Variants in GPR137C observed in about 807,000 individuals in gnomAD.
GPR137C encodes the protein integral membrane protein GPR137C.
Under a neutral mutation model 43.4 loss-of-function variants are expected in GPR137C, and 27 were observed. The observed-to-expected ratio is 0.62, with a 90% CI of 0.46 to 0.86. The LOEUF (loss-of-function observed/expected upper bound fraction) is 0.86. Among genes scored for constraint, GPR137C ranks in the 40% least tolerant of loss-of-function variants. The pLI is 0.00. For synonymous variants in GPR137C, 285 were observed against 226.9 expected (o/e 1.26, Z -2.30); for missense variants, 522 against 534.6 (o/e 0.98, Z 0.23).
At chr14:52,634,032 A>C (rs1422728251) in intron 6 of GPR137C, 86 bp downstream of exon 6, 2 of 821,406 alleles carry the variant, frequency 2.4e-6, no homozygotes, top group Admixed American at 2.1e-5. Flanking sequence ...AATATGAAAA[A>C]AGGTGATTTA....
chr14:52,563,556 A>T (rs2038318956), intron 1 of GPR137C, among the ~76,000 whole-genome samples: 1 of 152,106 alleles, frequency 6.6e-6, no homozygotes, highest in Admixed American at 6.5e-5. Context: ...AGGTGGCAGC[A>T]TCACTTGAGC....
chr14:52,576,005 G>T (rs917110635), intron 1 of GPR137C, among the ~76,000 whole-genome samples: 3 of 152,082 alleles, frequency 2.0e-5, no homozygotes, highest in African/African-American at 2.4e-5. Context: ...GGTCATATAG[G>T]CATGGAGCAT....
intron 1 of GPR137C, among the ~76,000 whole-genome samples, chr14:52,592,794 T>C (rs1421220355): frequency 6.6e-6 from 1 of 152,194 alleles, no homozygotes. Context: ...CAATTTGACT[T>C]CCTCTTTTCC....
intron 1 of GPR137C, among the ~76,000 whole-genome samples, chr14:52,561,139 G>C (rs2038277054): frequency 6.6e-6 from 1 of 152,182 alleles, no homozygotes; most frequent in South Asian, 2.1e-4. Flanking sequence ...CACTCACGTT[G>C]AACTACCACT....
intron 4 of GPR137C, 63 bp from the exon 5 acceptor site, chr14:52,633,467 T>G (rs2039316161): frequency 1.4e-6 from 2 of 1,427,736 alleles, no homozygotes; most frequent in Non-Finnish European, 9.8e-7. Context: ...ACAAGTTAAC[T>G]GTGGAGGTGA....
intron 3 of GPR137C, among the ~76,000 whole-genome samples, chr14:52,608,412 C>A (rs1436176915): frequency 6.6e-6 from 1 of 152,194 alleles, no homozygotes; most frequent in Non-Finnish European, 1.5e-5. Context: ...CTCTTCCCCA[C>A]ATTTTGAACG....
intron 1 of GPR137C, chr14:52,596,873 T>C (rs1240653836): frequency 1.8e-5 from 8 of 453,200 alleles, no homozygotes; most frequent in Admixed American, 2.4e-5. Context: ...GGTACCTCAA[T>C]TGGAAATGCA....
At chr14:52,554,925 C>G (rs937075194) in intron 1 of GPR137C, among the ~76,000 whole-genome samples, 2 of 152,042 alleles carry the variant, frequency 1.3e-5, no homozygotes, top group East Asian at 3.8e-4. Context: ...AATACAATGA[C>G]AAAAACGCAA....
intron 3 of GPR137C, among the ~76,000 whole-genome samples, chr14:52,615,368 A>G (rs1235020881): frequency 6.6e-6 from 1 of 151,548 alleles, no homozygotes; most frequent in Non-Finnish European, 1.5e-5. Context: ...TCTGTAGTAT[A>G]ATTTGAAGTC....
In GPR137C at chr14:52,553,387, T is replaced by C; in HGVS notation, c.240T>C (p.Ser80=). ...TCCTGTACCGCGAGCGGCGGCTGAG[T>C]TACCAGAGCCTCTGCCTCTTCCTCT... is the stretch of plus-strand genomic sequence containing the variant. The part of the protein sequence containing the change: ...RLLLYRERRL[S]YQSLCLFLCL... The change falls in exon 1 of 7, where the codon AGT becomes AGC. Residue 80 remains serine, a synonymous_variant. Coordinates refer to ENST00000321662, the MANE Select transcript of GPR137C (RefSeq NM_001099652.2). 2 of 1,606,280 alleles carry C rather than the reference T, an allele frequency of 1.2e-6. No individual in the cohort carries two copies. The highest frequency in any genetic ancestry group is 1.7e-6 in the Non-Finnish European group (2 of 1,179,516).
intron 1 of GPR137C, among the ~76,000 whole-genome samples, chr14:52,571,778 C>T (rs140243834): frequency 1.3e-3 from 198 of 151,966 alleles, no homozygotes; most frequent in Non-Finnish European, 2.5e-3. Context: ...GATAGAGATA[C>T]GAAAAAACCT....
intron 1 of GPR137C, among the ~76,000 whole-genome samples, chr14:52,554,557 C>T (rs1331674967): frequency 6.6e-6 from 1 of 152,036 alleles, no homozygotes; most frequent in Non-Finnish European, 1.5e-5. Flanking sequence ...CCAAAAAAGT[C>T]CTCCTTCCCA....
intron 1 of GPR137C, among the ~76,000 whole-genome samples, chr14:52,578,284 T>G (rs2038593867): frequency 6.6e-6 from 1 of 152,216 alleles, no homozygotes; most frequent in Non-Finnish European, 1.5e-5. Context: ...TATTTGTTTC[T>G]CTTTCTGGAG....
At chr14:52,598,249 T>C in intron 1 of GPR137C, 23 bp from the exon 2 acceptor site, 1 of 1,091,600 alleles carries the variant, frequency 9.2e-7, no homozygotes, top group Non-Finnish European at 1.3e-6. Context: ...TTTCAAAATT[T>C]TTTTTTTATA....
intron 1 of GPR137C, among the ~76,000 whole-genome samples, chr14:52,555,071 T>TA (rs1287534897): frequency 2.0e-5 from 3 of 152,088 alleles, no homozygotes; most frequent in African/African-American, 4.8e-5. Context: ...CTTAAACTGA[T>TA]ACATTGTAAT....
intron 1 of GPR137C, among the ~76,000 whole-genome samples, chr14:52,554,389 C>T (rs74427857): frequency 0.093 from 14,200 of 152,224 alleles, 746 homozygotes; most frequent in South Asian, 0.15. Flanking sequence ...GGAACCTAAT[C>T]ACACCCCCTT....
chr14:52,612,180 G>T, intron 3 of GPR137C: 2 of 982,402 alleles, frequency 2.0e-6, no homozygotes, highest in Non-Finnish European at 2.4e-6. Flanking sequence ...GAAAGAATAT[G>T]ATTTCTTTAA....
At chr14:52,570,071 A>G (rs1288715941) in intron 1 of GPR137C, among the ~76,000 whole-genome samples, 1 of 152,194 alleles carries the variant, frequency 6.6e-6, no homozygotes, top group Non-Finnish European at 1.5e-5. Flanking sequence ...AAATGAAGGA[A>G]AAAATGTTAA....
intron 1 of GPR137C, among the ~76,000 whole-genome samples, chr14:52,566,937 C>T (rs1335403970): frequency 6.6e-6 from 1 of 152,110 alleles, no homozygotes; most frequent in Non-Finnish European, 1.5e-5. Flanking sequence ...CATGGTAAAA[C>T]CCTGACTCTA....
Sources: gnomAD v4.1 joint callset for allele counts (sites outside exome capture counted in the v4.1 genomes callset) on GRCh38, gnomAD v4.1.1 for gene constraint, MANE v1.5 for transcripts, NCBI Gene and HGNC (gene_info 2026-07-23, HGNC 2026-07-21) for gene names.